ADAMTS6: variants seen among roughly 807,000 people sequenced by gnomAD.
The protein encoded by ADAMTS6 is A disintegrin and metalloproteinase with thrombospondin motifs 6.
Under a neutral mutation model 144.3 loss-of-function variants are expected in ADAMTS6, and 23 were observed. That is an observed-to-expected ratio of 0.16 (90% confidence interval 0.11 to 0.23). The LOEUF (loss-of-function observed/expected upper bound fraction) is 0.23, where lower values mean the gene tolerates loss of function less well. Ranked by LOEUF, ADAMTS6 falls within the 10% of genes least tolerant of loss-of-function variation. The pLI, the probability that ADAMTS6 is intolerant of heterozygous loss-of-function variation, is 1.00. For missense variants in ADAMTS6, 999 were observed against 1,379.6 expected, an observed-to-expected ratio of 0.72 and a Z score of 4.37; for synonymous variants, 444 against 457.5, an observed-to-expected ratio of 0.97 and a Z score of 0.38.
chr5:65,233,695 C>T (rs1214912492), intron 15 of ADAMTS6, among the ~76,000 whole-genome samples: 5 of 152,008 alleles, frequency 3.3e-5, no homozygotes, highest in African/African-American at 1.2e-4. Context: ...GTCAAAATGT[C>T]CATACTTCCC....
At chr5:65,398,747 AAGAGAGAAAGAGAG>A (rs528916105) in intron 7 of ADAMTS6, among the ~76,000 whole-genome samples, 188 of 149,960 alleles carry the variant, frequency 1.3e-3, no homozygotes, top group African/African-American at 4.2e-3. Flanking sequence ...AAGAGAGATA[AAGAGAGAAAGAGAG>A]AGAGAGAAAG....
At chr5:65,193,480 A>G (rs1418045454) in intron 21 of ADAMTS6, among the ~76,000 whole-genome samples, 1 of 152,100 alleles carries the variant, frequency 6.6e-6, no homozygotes, top group Non-Finnish European at 1.5e-5. Flanking sequence ...TTAAATGTTC[A>G]GTCCCATCAG....
chr5:65,223,967 T>C (rs1241645148), intron 18 of ADAMTS6, among the ~76,000 whole-genome samples: 4 of 151,916 alleles, frequency 2.6e-5, no homozygotes, highest in Non-Finnish European at 1.5e-5. Context: ...ACCCAGCTAA[T>C]TTTTCTGTAT....
intron 9 of ADAMTS6, among the ~76,000 whole-genome samples, chr5:65,328,881 G>T (rs1335143167): frequency 6.6e-6 from 1 of 151,746 alleles, no homozygotes; most frequent in Non-Finnish European, 1.5e-5. Flanking sequence ...ATGGTATTGT[G>T]TACTTCTTGC....
intron 22 of ADAMTS6, among the ~76,000 whole-genome samples, chr5:65,173,597 G>A (rs927732520): frequency 1.3e-5 from 2 of 152,118 alleles, no homozygotes; most frequent in Non-Finnish European, 2.9e-5. Flanking sequence ...TCATACTGAG[G>A]GAAGGATGTT....
chr5:65,212,735 A>T (rs1275258494), intron 20 of ADAMTS6, among the ~76,000 whole-genome samples: 2 of 152,148 alleles, frequency 1.3e-5, no homozygotes, highest in Non-Finnish European at 2.9e-5. Context: ...CAATTTCAGT[A>T]CAAAGATGAA....
At chr5:65,460,487 A>C in intron 3 of ADAMTS6, 149 bp from the exon 4 acceptor site, 1 of 706,726 alleles carries the variant, frequency 1.4e-6, no homozygotes, top group East Asian at 2.8e-5. Flanking sequence ...ATCTGTACTC[A>C]ATTAAAACAT....
At position 65,334,035 on chromosome 5, in the gene ADAMTS6, A is replaced by AAAAAAT; in HGVS notation, c.1117+6_1117+7insATTTTT. On this transcript the variant is annotated splice_region_variant and intron_variant, in intron 8 of 24. Transcript: ENST00000381055. ...AAAAAAAAAAAAAAAAACCAAAAAAAACTTACCCAGTGTTCCACAGGGCTT... is the reference window on the plus strand; with the variant it reads ...AAAAAAAAAAAAAAAAACCAAAAAAAAAAAATACTTACCCAGTGTTCCACAGGGCTT... 6.9e-7 allele frequency: 1 copy of AAAAAAT among 1,440,874 alleles called. No homozygotes were observed. The highest frequency in any genetic ancestry group is 2.7e-5 in the East Asian group (1 of 37,442). The allele number at this position is 1,440,874 out of a possible 1,614,324, so 89.3% of individuals were successfully genotyped here.
intron 7 of ADAMTS6, among the ~76,000 whole-genome samples, chr5:65,387,125 G>T (rs1752540217): frequency 6.6e-6 from 1 of 152,052 alleles, no homozygotes; most frequent in African/African-American, 2.4e-5. Context: ...TCATTCTTTG[G>T]TTCAAATATA....
At chr5:65,300,693 G>A (rs928116018) in intron 9 of ADAMTS6, among the ~76,000 whole-genome samples, 5 of 151,624 alleles carry the variant, frequency 3.3e-5, no homozygotes, top group Non-Finnish European at 7.4e-5. Context: ...GTGCAGTGGC[G>A]CGAACTCGGC....
At chr5:65,418,874 CTAT>C (rs919804805) in intron 7 of ADAMTS6, among the ~76,000 whole-genome samples, 1 of 152,008 alleles carries the variant, frequency 6.6e-6, no homozygotes, top group Non-Finnish European at 1.5e-5. Context: ...GTCAGAATGG[CTAT>C]TATTTAAAAA....
At chr5:65,429,863 C>T (rs1447981104) in intron 7 of ADAMTS6, among the ~76,000 whole-genome samples, 1 of 151,982 alleles carries the variant, frequency 6.6e-6, no homozygotes, top group African/African-American at 2.4e-5. Context: ...GTATTACATA[C>T]TATGTACCTC....
At chr5:65,461,440 T>C (rs1044401725) in intron 3 of ADAMTS6, among the ~76,000 whole-genome samples, 12 of 152,210 alleles carry the variant, frequency 7.9e-5, no homozygotes. Flanking sequence ...AATAGAACTT[T>C]GTTGATGAAA....
At chr5:65,474,965 G>A (rs981045962) in intron 1 of ADAMTS6, among the ~76,000 whole-genome samples, 2 of 151,992 alleles carry the variant, frequency 1.3e-5, no homozygotes, top group African/African-American at 4.8e-5. Flanking sequence ...CTATGCCTGA[G>A]TCCAAAATAA....
At chr5:65,414,611 T>C (rs1161270513) in intron 7 of ADAMTS6, among the ~76,000 whole-genome samples, 1 of 152,194 alleles carries the variant, frequency 6.6e-6, no homozygotes, top group Non-Finnish European at 1.5e-5. Context: ...AAGATCATTC[T>C]TGGTTTCTTG....
chr5:65,432,869 T>C (rs1580696627), intron 7 of ADAMTS6, among the ~76,000 whole-genome samples: 1 of 152,198 alleles, frequency 6.6e-6, no homozygotes, highest in Non-Finnish European at 1.5e-5. Flanking sequence ...TTCATACTGG[T>C]ACCTAGAAGA....
chr5:65,432,886 C>T (rs1400472746), intron 7 of ADAMTS6, among the ~76,000 whole-genome samples: 6 of 152,050 alleles, frequency 3.9e-5, no homozygotes, highest in Non-Finnish European at 7.4e-5. Context: ...AAGATAACAG[C>T]ACCATGACAT....
intron 7 of ADAMTS6, among the ~76,000 whole-genome samples, chr5:65,378,470 A>C (rs1340619545): frequency 6.6e-6 from 1 of 152,070 alleles, no homozygotes; most frequent in Non-Finnish European, 1.5e-5. Context: ...GGCTCTCCCC[A>C]TCAAAGGAAT....
chr5:65,171,979 G>A (rs1436107017), intron 23 of ADAMTS6, among the ~76,000 whole-genome samples: 1 of 151,520 alleles, frequency 6.6e-6, no homozygotes, highest in Non-Finnish European at 1.5e-5. Context: ...TGGAATCAAA[G>A]GCATGAGGAA....
Sources: gnomAD v4.1 joint callset for allele counts (sites outside exome capture counted in the v4.1 genomes callset) on GRCh38, gnomAD v4.1.1 for gene constraint, MANE v1.5 for transcripts, NCBI Gene and HGNC (gene_info 2026-07-23, HGNC 2026-07-21) for gene names.